UBE2V1: variants seen among roughly 807,000 people sequenced by gnomAD.
UBE2V1 encodes the protein ubiquitin conjugating enzyme E2 V1.
Under a neutral mutation model 19.6 loss-of-function variants are expected in UBE2V1, and 15 were observed. The ratio of observed to expected loss-of-function variants is 0.77; its 90% CI spans 0.51 to 1.18. The LOEUF is 1.18. UBE2V1 is among the 50% of genes most tolerant of loss of function. The probability of loss-of-function intolerance (pLI) is 0.00; values close to 1 mark genes in which losing one functional copy is unlikely to be tolerated. For missense variants in UBE2V1, 125 were observed against 184.8 expected (o/e 0.68, Z 1.88); for synonymous variants, 60 against 60.7 (o/e 0.99, Z 0.05).
In UBE2V1 at chr20:50,082,822, A is replaced by T. The variant is rs775312496; in HGVS notation, c.390T>A (p.Ser130=). The change falls in exon 4 of 4, where the codon TCT becomes TCA. Residue 130 remains serine, a synonymous_variant. Coordinates refer to ENST00000371674, the MANE Select transcript of UBE2V1 (RefSeq NM_001032288.3). ...GCTGAGGGAGTTTCATATTTTCTTTAGACATCATTAGGCGCCGAAGCTCTT... is the reference window on the plus strand; with the variant it reads ...GCTGAGGGAGTTTCATATTTTCTTTTGACATCATTAGGCGCCGAAGCTCTT... ...VLQELRRLMM[S]KENMKLPQPP... 1 of 1,613,350 alleles carries T rather than the reference A, an allele frequency of 6.2e-7. No homozygotes were observed. The highest frequency in any genetic ancestry group is 1.7e-5 in the Admixed American group (1 of 60,002).
At chr20:50,093,827 T>C (rs2079385645) in intron 2 of UBE2V1, among the ~76,000 whole-genome samples, 1 of 150,766 alleles carries the variant, frequency 6.6e-6, no homozygotes, top group Non-Finnish European at 1.5e-5. Flanking sequence ...CCGTCTCTAC[T>C]AAAAATACAA....
At chr20:50,112,587 C>T (rs1027932799) in intron 1 of UBE2V1, among the ~76,000 whole-genome samples, 3 of 152,212 alleles carry the variant, frequency 2.0e-5, no homozygotes, top group African/African-American at 7.2e-5. Flanking sequence ...GGAGCCGTTC[C>T]CTCAACCGAT....
Position 50,096,731 on chromosome 20 carries a change from C to G in UBE2V1, c.112G>C (p.Glu38Gln), listed in dbSNP as rs760746030. The change falls in exon 2 of 4, where the codon GAA becomes CAA. Residue 38 changes from glutamate to glutamine, a missense_variant. Around this residue, in one of 3 missense-constraint regions of UBE2V1, gnomAD observed 19 missense variants for 53.5 expected, o/e 0.35. Transcript: ENST00000371674. ...VGDGTVSWGL[E>Q]DDEDMTLTRW... ...GTAAGTGTCATGTCTTCGTCATCTT[C>G]TAGACCCCAGCTAACTGTGCCATCT... 7.4e-6 allele frequency: 12 copies of G among 1,614,200 alleles called. No individual in the cohort carries two copies. The highest frequency in any genetic ancestry group is 9.3e-6 in the Non-Finnish European group (11 of 1,180,032).
intron 2 of UBE2V1, 169 bp downstream of exon 2, chr20:50,096,503 C>T: frequency 6.6e-7 from 1 of 1,522,204 alleles, no homozygotes; most frequent in South Asian, 1.2e-5. Context: ...GGTTAAACAG[C>T]ATCAGAGGAG....
At chr20:50,101,416 CT>C (rs11474905) in intron 1 of UBE2V1, among the ~76,000 whole-genome samples, 28,821 of 126,056 alleles carry the variant, frequency 0.23, 2,223 homozygotes, top group Admixed American at 0.29. Context: ...CCTCAAAGAA[CT>C]TTTTTTTTTT....
At chr20:50,088,208 G>A (rs905784772) in intron 2 of UBE2V1, among the ~76,000 whole-genome samples, 1 of 151,466 alleles carries the variant, frequency 6.6e-6, no homozygotes, top group African/African-American at 2.4e-5. Context: ...AAAAACCTGA[G>A]AAATGTCATT....
At chr20:50,083,459 T>G (rs1352996816) in intron 3 of UBE2V1, among the ~76,000 whole-genome samples, 2 of 152,214 alleles carry the variant, frequency 1.3e-5, no homozygotes, top group East Asian at 3.8e-4. Flanking sequence ...GATTAAACAC[T>G]AAACACACTG....
intron 2 of UBE2V1, among the ~76,000 whole-genome samples, chr20:50,090,061 C>T (rs1295588482): frequency 6.6e-6 from 1 of 152,230 alleles, no homozygotes; most frequent in African/African-American, 2.4e-5. Flanking sequence ...CAAGCTTCCT[C>T]TGCTGGCCTC....
chr20:50,109,953 G>A (rs916172016), intron 1 of UBE2V1, among the ~76,000 whole-genome samples: 1 of 152,194 alleles, frequency 6.6e-6, no homozygotes, highest in Non-Finnish European at 1.5e-5. Flanking sequence ...AGAACTAAGG[G>A]ACTGTGAGTT....
chr20:50,082,931 A>G lies in UBE2V1; in HGVS notation c.298-17T>C, dbSNP rs1434469382. On this transcript the variant is annotated splice_polypyrimidine_tract_variant and intron_variant, in intron 3 of 3. Coordinates refer to ENST00000371674, the MANE Select transcript of UBE2V1 (RefSeq NM_001032288.3). ...TGGGTCCACCTACAACAAGGCAAAC[A>G]AAAGCAAATTACTCTCAGACTCTCA... 2 of 1,600,528 alleles carry G rather than the reference A, an allele frequency of 1.2e-6. No homozygotes were observed. The highest frequency in any genetic ancestry group is 1.7e-4 in the Middle Eastern group (1 of 6,050).
chr20:50,093,289 A>T (rs779059995), intron 2 of UBE2V1, among the ~76,000 whole-genome samples: 14 of 152,272 alleles, frequency 9.2e-5, no homozygotes, highest in Non-Finnish European at 2.1e-4. Context: ...ATTTTGATGG[A>T]AAATGTTCTT....
intron 1 of UBE2V1, among the ~76,000 whole-genome samples, chr20:50,098,381 ATCCCT>A (rs977939649): frequency 6.6e-6 from 1 of 152,186 alleles, no homozygotes; most frequent in Non-Finnish European, 1.5e-5. Flanking sequence ...TTTTAATAGG[ATCCCT>A]CAGACTGCTG....
chr20:50,108,839 G>A, intron 1 of UBE2V1: 12 of 720,444 alleles, frequency 1.7e-5, no homozygotes, highest in Non-Finnish European at 2.0e-5. Context: ...CCCAGAAGAG[G>A]ACAAACAGTG....
upstream of UBE2V1, among the ~76,000 whole-genome samples, chr20:50,113,457 C>T (rs1218512170): frequency 6.6e-6 from 1 of 152,162 alleles, no homozygotes; most frequent in Non-Finnish European, 1.5e-5. Context: ...ACAAAAGCGC[C>T]GAATTCGCTT....
chr20:50,102,995 G>A (rs188944513), intron 1 of UBE2V1, among the ~76,000 whole-genome samples: 2 of 152,306 alleles, frequency 1.3e-5, no homozygotes, highest in Admixed American at 1.3e-4. Flanking sequence ...CCTCAACCAA[G>A]GGTCTAACTG....
upstream of UBE2V1, among the ~76,000 whole-genome samples, chr20:50,114,683 C>T (rs1271643438): frequency 2.6e-5 from 4 of 152,096 alleles, no homozygotes; most frequent in South Asian, 2.1e-4. Context: ...AGGGCAGGGA[C>T]GAGGATGGGG....
chr20:50,092,748 TAAAC>T (rs972425866), intron 2 of UBE2V1, among the ~76,000 whole-genome samples: 16 of 152,130 alleles, frequency 1.1e-4, no homozygotes, highest in East Asian at 3.8e-4. Context: ...TTTCTTTAAA[TAAAC>T]AAACAAACAA....
At chr20:50,111,248 A>C in intron 1 of UBE2V1, 1 of 985,660 alleles carries the variant, frequency 1.0e-6, no homozygotes, top group Non-Finnish European at 1.2e-6. Flanking sequence ...ACAGCAGCTG[A>C]CATTTTATCT....
intron 2 of UBE2V1, among the ~76,000 whole-genome samples, chr20:50,090,575 T>C (rs976624152): frequency 1.3e-5 from 2 of 151,692 alleles, no homozygotes; most frequent in African/African-American, 4.9e-5. Flanking sequence ...AGACAAAAAG[T>C]GTATGATCTC....
Sources: allele counts gnomAD v4.1 joint callset (sites outside exome capture counted in the v4.1 genomes callset), GRCh38; gene constraint gnomAD v4.1.1; regional missense constraint gnomAD v4.1.1; transcripts MANE v1.5; gene names NCBI Gene and HGNC (gene_info 2026-07-23, HGNC 2026-07-21).